The following TELO2 variants were observed in gnomAD, a reference collection of about 807,000 sequenced individuals.
TELO2 encodes the protein telomere maintenance 2.
In TELO2, 71 loss-of-function variants were observed where a neutral mutation model predicts 91.0. That is an observed-to-expected ratio of 0.78 (90% CI 0.64 to 0.95). The LOEUF (loss-of-function observed/expected upper bound fraction) is 0.95. Among genes scored for constraint, TELO2 ranks in the 40% least tolerant of loss-of-function variants. TELO2 has a pLI of 0.00. For missense variants in TELO2, 1,183 were observed against 1,141.3 expected (o/e 1.04, Z -0.53); for synonymous variants, 584 against 518.9 (o/e 1.13, Z -1.71).
Position 1,507,849 on chromosome 16 carries a change from GGTGTGTGTGTGTGTGTGTGT to G in TELO2, c.2407+159_2407+178del, listed in dbSNP as rs560652753. The stretch of plus-strand genomic sequence containing the variant: ...GTGTGTGTGATGTGTGTTGGCCCGG[GGTGTGTGTGTGTGTGTGTGT>G]GTGTGTGTGTGTGTGTGTGTGTGTG... On this transcript the variant is annotated intron_variant, in intron 20 of 20. Transcript: ENST00000262319. The G allele has an allele frequency of 1.1e-4, 35 of 308,278 alleles. 1 individual carries two copies. The highest frequency in any genetic ancestry group is 2.5e-4 in the South Asian group (8 of 31,494). 19.1% of individuals were successfully genotyped at this position (308,278 alleles called of 1,614,324 possible). A position where few individuals can be genotyped will look rare whatever the true frequency, so the allele number is the denominator to read the frequency against.
chr16:1,507,831 T>TGA (rs1451670834), intron 20 of TELO2, 115 bp downstream of exon 20: 3 of 570,324 alleles, frequency 5.3e-6, no homozygotes, highest in Non-Finnish European at 7.6e-6. Context: ...TGTGTGTGTG[T>TGA]GATGTGTGTT....
chr16:1,505,392 G>A lies in TELO2; in HGVS notation c.1843-18G>A. On this transcript the variant is annotated intron_variant, in intron 15 of 20. Transcript: ENST00000262319. This position sits in a 1 kb window ranked among gnomAD's most constrained non-coding sequence, Gnocchi z 4.3. ...TCCCTGGAGCAGTGGCGACGGCCCTGGGCCTGTCTCCCTCCAGGTGCTGAC... is the reference window on the plus strand; with the variant it reads ...TCCCTGGAGCAGTGGCGACGGCCCTAGGCCTGTCTCCCTCCAGGTGCTGAC... 1 of 1,602,542 alleles carries A rather than the reference G, an allele frequency of 6.2e-7. No individual in the cohort carries two copies. Among genetic ancestry groups the A allele is most frequent in the African/African-American group, 1.3e-5 (1 of 74,766 alleles).
rs2039638842 is a variant in TELO2 at position 1,500,487 on chromosome 16, T to C, written c.1143T>C (p.Asp381=). ...AGCCGGAACTGCGGGACAGCCGGGA[T>C]GGTGAGCGGGTGGTTTGGGCTCCCC... ...LGEPELRDSR[D]ELLASMMAGV... is the part of the protein sequence containing the mutation. Residue 381 remains aspartate, a splice_region_variant and synonymous_variant, in exon 8 of 21, where the codon GAT becomes GAC. Coordinates refer to ENST00000262319, the MANE Select transcript of TELO2 (RefSeq NM_016111.4). 2.5e-6 allele frequency: 4 copies of C among 1,610,628 alleles called. No homozygotes were observed. The highest frequency in any genetic ancestry group is 3.4e-6 in the Non-Finnish European group (4 of 1,179,086).
intron 11 of TELO2, 53 bp from the exon 12 acceptor site, chr16:1,501,994 G>A: frequency 2.5e-6 from 4 of 1,608,470 alleles, no homozygotes; most frequent in Non-Finnish European, 3.4e-6. Context: ...CTGCCGTTGG[G>A]CACTTCCTGT....
In TELO2 at chr16:1,505,239, C is replaced by A. The variant is rs1230742239; in HGVS notation, c.1843-171C>A. The A allele has an allele frequency of 1.4e-6, 1 of 718,586 alleles. No homozygotes were observed. 44.5% of individuals were successfully genotyped at this position (718,586 alleles called of 1,614,324 possible). On this transcript the variant is annotated intron_variant, in intron 15 of 20. Transcript: ENST00000262319. This position sits in a 1 kb window ranked among gnomAD's most constrained non-coding sequence, Gnocchi z 4.3. ...TTCCCCACCTTCCCGCCTACCAAGG[C>A]GCGGTTGCTGTGAGCTACGGGGAAG...
rs1299527279 is a variant in TELO2 at position 1,497,390 on chromosome 16, C to T, written c.712C>T (p.Leu238=). ...GATCCTGGGCGTGCTGGTACCCCGG[C>T]TGGCAGCGCTCACCCAGGGCAGCTA... is the stretch of plus-strand genomic sequence containing the variant. ...QEILGVLVPR[L]AALTQGSYLH... is the part of the protein sequence containing the mutation. The change falls in exon 5 of 21, where the codon CTG becomes TTG. Residue 238 remains leucine, a synonymous_variant. Coordinates refer to ENST00000262319, the MANE Select transcript of TELO2 (RefSeq NM_016111.4). This position sits in a 1 kb window ranked among gnomAD's most constrained non-coding sequence, Gnocchi z 4.0. The T allele has an allele frequency of 1.3e-6, 2 of 1,549,912 alleles. No homozygotes were observed. Among genetic ancestry groups the T allele is most frequent in the Non-Finnish European group, 1.7e-6 (2 of 1,146,976 alleles).
chr16:1,504,551 CTTTTTTTTTTTTT>C (rs1169712120), intron 15 of TELO2, among the ~76,000 whole-genome samples: 2 of 79,362 alleles, frequency 2.5e-5, no homozygotes, highest in Admixed American at 3.4e-4. Context: ...CGTAACTGGT[CTTTTTTTTTTTTT>C]TTTTTTTTTT....
chr16:1,507,083 T>A, intron 18 of TELO2, 32 bp downstream of exon 18: 1 of 1,574,284 alleles, frequency 6.4e-7, no homozygotes, highest in Non-Finnish European at 8.6e-7. Flanking sequence ...GGCGCCGGCC[T>A]GTGCTAACCA....
Position 1,503,027 on chromosome 16 carries a change from C to A in TELO2, c.1842+25C>A, listed in dbSNP as rs376223072. 2.5e-6 allele frequency: 4 copies of A among 1,607,110 alleles called. No homozygotes were observed. The African/African-American group carries it at 4.0e-5, about 16-fold the overall frequency. On this transcript the variant is annotated intron_variant, in intron 15 of 20. Coordinates refer to ENST00000262319, the MANE Select transcript of TELO2 (RefSeq NM_016111.4). Reference sequence around the variant, plus strand: ...TGTAAGTGCCTCCTGGGCCTCAGTCCCCCTGGTCTGGCCCAAGCTGCCCTA... The same window carrying A: ...TGTAAGTGCCTCCTGGGCCTCAGTCACCCTGGTCTGGCCCAAGCTGCCCTA...
intron 18 of TELO2, 117 bp from the exon 19 acceptor site, chr16:1,507,189 C>T (rs946785467): frequency 6.7e-7 from 1 of 1,499,584 alleles, no homozygotes; most frequent in Non-Finnish European, 9.0e-7. Context: ...GGAGCATCCC[C>T]TCGGCTGTCA....
Position 1,507,015 on chromosome 16 carries a change from C to A in TELO2, c.2190C>A (p.Thr730=). ...DQLVLGRLAH[T]LGALMCLAVN... ...TGGTTCTCGGAAGGCTGGCGCACAC[C>A]TTAGGGGCCCTGATGTGCCTGGCTG... The change falls in exon 18 of 21, where the codon ACC becomes ACA. Residue 730 remains threonine (T), a synonymous_variant. Coordinates refer to ENST00000262319, the MANE Select transcript of TELO2 (RefSeq NM_016111.4). 1 of 1,611,756 alleles carries A rather than the reference C, an allele frequency of 6.2e-7. No individual in the cohort carries two copies. Among genetic ancestry groups the A allele is most frequent in the Non-Finnish European group, 8.5e-7 (1 of 1,179,080 alleles).
In TELO2 at chr16:1,500,167, A is replaced by G. The variant is rs1426090363; in HGVS notation, c.1002+3A>G. On this transcript the variant is annotated splice_donor_region_variant and intron_variant, in intron 7 of 20. Coordinates refer to ENST00000262319, the MANE Select transcript of TELO2 (RefSeq NM_016111.4). The stretch of plus-strand genomic sequence containing the variant: ...AGCGGCGCCCGCTCCTGCTGCAGGT[A>G]CGTGCCTCCTGGCTCTCCGTCCCTG... 1.2e-6 allele frequency: 2 copies of G among 1,602,002 alleles called. No individual in the cohort carries two copies. Among genetic ancestry groups the G allele is most frequent in the Admixed American group, 3.4e-5 (2 of 59,506 alleles).
At chr16:1,499,632 T>C (rs1268957721) in intron 6 of TELO2, among the ~76,000 whole-genome samples, 1 of 151,590 alleles carries the variant, frequency 6.6e-6, no homozygotes, top group East Asian at 1.9e-4. Flanking sequence ...GGGGGATAGG[T>C]GAGGACACAG....
At position 1,505,082 on chromosome 16, in the gene TELO2, G is replaced by A. The variant is rs1567304192; in HGVS notation, c.1843-328G>A. On this transcript the variant is annotated intron_variant, in intron 15 of 20. Coordinates refer to ENST00000262319, the MANE Select transcript of TELO2 (RefSeq NM_016111.4). This position sits in a 1 kb window ranked among gnomAD's most constrained non-coding sequence, Gnocchi z 4.3. ...CGCCCGTGGCACGTGCCGCTGCAGC[G>A]TTGCTTTTGCTGTGAGGCCGACTTC... is the stretch of plus-strand genomic sequence containing the variant. 7.0e-6 allele frequency: 2 copies of A among 283,752 alleles called. No homozygotes were observed. The highest frequency in any genetic ancestry group is 1.3e-5 in the Non-Finnish European group (2 of 149,614). 17.6% of individuals were successfully genotyped at this position (283,752 alleles called of 1,614,324 possible).
Position 1,505,458 on chromosome 16 carries a change from A to G in TELO2, c.1891A>G (p.Arg631Gly), listed in dbSNP as rs948769737. ...GCTGTCTAGGCCTGGGTGCCTCGGG[A>G]GGACTCCCCAACCTGGCTCCCCAAG... ...QELSRPGCLGRTPQPGSPSPN... is the reference protein window; with the variant it reads ...QELSRPGCLGGTPQPGSPSPN... The change falls in exon 16 of 21, where the codon AGG (arginine) becomes GGG (glycine). Residue 631 changes from arginine to glycine, a missense_variant. Physicochemically the swap from Arg to Gly is moderately radical, Grantham distance 125. Coordinates refer to ENST00000262319, the MANE Select transcript of TELO2 (RefSeq NM_016111.4). This position sits in a 1 kb window ranked among gnomAD's most constrained non-coding sequence, Gnocchi z 4.3. 4.3e-6 allele frequency: 7 copies of G among 1,613,032 alleles called. No individual in the cohort carries two copies. The highest frequency in any genetic ancestry group is 5.9e-6 in the Non-Finnish European group (7 of 1,179,990).
chr16:1,506,591 C>A, intron 17 of TELO2: 2 of 1,402,098 alleles, frequency 1.4e-6, no homozygotes, highest in South Asian at 3.0e-5. Flanking sequence ...CGCACGTGCC[C>A]GACGCCATCA....
rs572318495 is a variant in TELO2 at position 1,509,777 on chromosome 16, G to C, written c.2408-53G>C. 4.4e-5 allele frequency: 66 copies of C among 1,510,770 alleles called. No homozygotes were observed. The African/African-American group carries it at 7.6e-4, about 17-fold the overall frequency. 93.6% of individuals were successfully genotyped at this position (1,510,770 alleles called of 1,614,324 possible). Reference sequence around the variant, plus strand: ...CAGGCAGACTGAAGACAGGAGGAGGGAGAATACGCCCTCCACGCTGCCTCA... The same window carrying C: ...CAGGCAGACTGAAGACAGGAGGAGGCAGAATACGCCCTCCACGCTGCCTCA... On this transcript the variant is annotated intron_variant, in intron 20 of 20. Coordinates refer to ENST00000262319, the MANE Select transcript of TELO2 (RefSeq NM_016111.4).
chr16:1,499,748 T>C (rs1314994896), intron 6 of TELO2, among the ~76,000 whole-genome samples: 1 of 152,192 alleles, frequency 6.6e-6, no homozygotes. Flanking sequence ...CCGGGTCCCC[T>C]GACTCCCGGC....
In TELO2 at chr16:1,500,099, C is replaced by T. The variant is rs764354064; in HGVS notation, c.937C>T (p.Pro313Ser). ...LLFLQSRLTTPMLQSLLGHLA... is the reference protein window; with the variant it reads ...LLFLQSRLTTSMLQSLLGHLA... ...CAGGCATGTGCTTTTATTGCAGACGCCCATGCTGCAGAGCCTGCTGGGCCA... is the reference window on the plus strand; with the variant it reads ...CAGGCATGTGCTTTTATTGCAGACGTCCATGCTGCAGAGCCTGCTGGGCCA... Residue 313 changes from proline to serine, a missense_variant, in exon 7 of 21, where the codon CCC becomes TCC. By Grantham distance (74) the Pro-to-Ser change is moderately conservative (BLOSUM62 -1). Transcript: ENST00000262319. 3.1e-6 allele frequency: 5 copies of T among 1,609,062 alleles called. No individual in the cohort carries two copies. Among genetic ancestry groups the T allele is most frequent in the South Asian group, 1.1e-5 (1 of 90,872 alleles).
Sources: gnomAD v4.1 joint callset for allele counts (sites outside exome capture counted in the v4.1 genomes callset) on GRCh38, gnomAD v4.1.1 for gene constraint, Gnocchi (gnomAD v3.1) non-coding constraint, MANE v1.5 for transcripts, NCBI Gene and HGNC (gene_info 2026-07-23, HGNC 2026-07-21) for gene names.